Variants in GLI3 observed in about 807,000 individuals in gnomAD.
The protein encoded by GLI3 is GLI family zinc finger 3, also known as transcription activator GLI3.
In GLI3, 20 loss-of-function variants were observed where a neutral mutation model predicts 100.8. The ratio of observed to expected loss-of-function variants is 0.20; its 90% CI spans 0.14 to 0.29. GLI3 has a LOEUF of 0.29. GLI3 is among the 10% of genes least tolerant of loss of function. GLI3 has a pLI of 1.00. For missense variants in GLI3, 2,040 were observed against 2,128.5 expected, an observed-to-expected ratio of 0.96 and a Z score of 0.82; for synonymous variants, 938 against 860.5, an observed-to-expected ratio of 1.09 and a Z score of -1.58.
At chr7:42,077,102 C>T (rs1013559699) in intron 3 of GLI3, among the ~76,000 whole-genome samples, 1 of 152,130 alleles carries the variant, frequency 6.6e-6, no homozygotes, top group African/African-American at 2.4e-5. Flanking sequence ...CAAACCCAGA[C>T]ACGAAAGCAA....
chr7:42,252,170 A>G (rs947957128), intron 1 of GLI3, among the ~76,000 whole-genome samples: 4 of 90,824 alleles, frequency 4.4e-5, no homozygotes, highest in Non-Finnish European at 9.1e-5. Context: ...GCCATAAAAA[A>G]GAATGAGATC....
chr7:42,024,054 A>G (rs907698720), intron 9 of GLI3, among the ~76,000 whole-genome samples: 1 of 152,198 alleles, frequency 6.6e-6, no homozygotes, highest in Non-Finnish European at 1.5e-5. Context: ...TACTTTGTTT[A>G]TTCTTATATT....
chr7:42,212,213 C>T (rs914937937), intron 2 of GLI3, among the ~76,000 whole-genome samples: 2 of 152,104 alleles, frequency 1.3e-5, no homozygotes, highest in Admixed American at 6.5e-5. Flanking sequence ...AATATGCACA[C>T]AGAAATGACT....
intron 2 of GLI3, among the ~76,000 whole-genome samples, chr7:42,156,820 C>T (rs1787014761): frequency 6.6e-6 from 1 of 152,176 alleles, no homozygotes; most frequent in Non-Finnish European, 1.5e-5. Context: ...AGGTCCACAC[C>T]CTCCTCCCAT....
chr7:42,132,385 C>T (rs920574529), intron 3 of GLI3, among the ~76,000 whole-genome samples: 5 of 152,200 alleles, frequency 3.3e-5, no homozygotes, highest in Non-Finnish European at 5.9e-5. Context: ...CAGGCGTGAG[C>T]CACCGCGCCC....
In GLI3 at chr7:42,067,139, T is replaced by C. The variant is rs117773180; in HGVS notation, c.473+9613A>G. On this transcript the variant is annotated intron_variant, in intron 4 of 14. Coordinates refer to ENST00000395925, the MANE Select transcript of GLI3 (RefSeq NM_000168.6). ...ACATAACTCTAATATTAATTTGTTA[T>C]ATCCCTGGCAAATAACATATGAAAA... 8.1e-4 allele frequency among the ~76,000 whole-genome samples: 123 copies of C among 152,366 alleles called. No homozygotes were observed. The East Asian group carries it at 9.5e-3, about 12-fold the overall frequency.
intron 4 of GLI3, among the ~76,000 whole-genome samples, chr7:42,072,312 G>T (rs1784798793): frequency 2.0e-5 from 3 of 152,146 alleles, no homozygotes; most frequent in Middle Eastern, 3.2e-3. Context: ...GAAAACCTTG[G>T]CTCAGAAAGA....
At position 41,977,244 on chromosome 7, in the gene GLI3, G is replaced by A. The variant is rs183049333; in HGVS notation, c.1812+314C>T. ...GCATGGATTCCTGCTATTTTGGGCA[G>A]CGTGACTGGCTCAGATTCCAAGTCA... On this transcript the variant is annotated intron_variant, in intron 12 of 14. Coordinates refer to ENST00000395925, the MANE Select transcript of GLI3 (RefSeq NM_000168.6). Among the ~76,000 whole-genome samples the A allele has an allele frequency of 2.3e-3, 343 of 152,318 alleles. 4 individuals are homozygous for A. The highest frequency in any genetic ancestry group is 1.7e-3 in the Non-Finnish European group (119 of 68,040).
At chr7:42,013,450 T>C (rs1170215915) in intron 10 of GLI3, among the ~76,000 whole-genome samples, 2 of 151,968 alleles carry the variant, frequency 1.3e-5, no homozygotes, top group African/African-American at 4.8e-5. Flanking sequence ...TGGAGTACAG[T>C]GGTGCAATCA....
intron 2 of GLI3, among the ~76,000 whole-genome samples, chr7:42,211,203 T>C (rs900091939): frequency 6.6e-6 from 1 of 152,230 alleles, no homozygotes; most frequent in African/African-American, 2.4e-5. Context: ...TTCTTTTTAA[T>C]TGCGGAAAAG....
intron 2 of GLI3, among the ~76,000 whole-genome samples, chr7:42,170,567 C>T (rs142126158): frequency 0.032 from 4,909 of 151,522 alleles, 230 homozygotes; most frequent in African/African-American, 0.11. Flanking sequence ...CACACCCAGC[C>T]AATTTTTTGT....
At chr7:42,172,204 T>A (rs1010705370) in intron 2 of GLI3, among the ~76,000 whole-genome samples, 3 of 151,726 alleles carry the variant, frequency 2.0e-5, no homozygotes, top group African/African-American at 7.3e-5. Context: ...ATAAGAGAAG[T>A]TTTAAAAAAA....
intron 1 of GLI3, among the ~76,000 whole-genome samples, chr7:42,263,534 C>T (rs560158566): frequency 3.2e-4 from 49 of 152,082 alleles, no homozygotes; most frequent in African/African-American, 1.2e-3. Context: ...GCAACCTCCT[C>T]CTCACATGTT....
At chr7:42,055,535 T>C (rs906942439) in intron 4 of GLI3, among the ~76,000 whole-genome samples, 5 of 152,120 alleles carry the variant, frequency 3.3e-5, no homozygotes, top group Non-Finnish European at 5.9e-5. Context: ...CTGTTCCTGG[T>C]GGGCGAGCCC....
intron 1 of GLI3, among the ~76,000 whole-genome samples, chr7:42,257,634 G>C (rs1789098750): frequency 6.6e-6 from 1 of 151,936 alleles, no homozygotes; most frequent in Non-Finnish European, 1.5e-5. Flanking sequence ...ATGAGCCACC[G>C]TGCACGTCCC....
chr7:42,118,047 A>G (rs1785904187), intron 3 of GLI3: 1 of 315,454 alleles, frequency 3.2e-6, no homozygotes, highest in African/African-American at 2.1e-5. Context: ...CAAACACTTA[A>G]CAGGAAAAGA....
At chr7:42,201,741 A>G (rs1167252802) in intron 2 of GLI3, among the ~76,000 whole-genome samples, 1 of 152,198 alleles carries the variant, frequency 6.6e-6, no homozygotes, top group Non-Finnish European at 1.5e-5. Flanking sequence ...CTGTAACACA[A>G]TGGTATTTGT....
At chr7:42,242,528 A>G (rs532306519), upstream of GLI3, among the ~76,000 whole-genome samples, 1 of 152,166 alleles carries the variant, frequency 6.6e-6, no homozygotes, top group Non-Finnish European at 1.5e-5. Context: ...TTCTCTAGTC[A>G]TGCCCCCGTA....
intron 3 of GLI3, among the ~76,000 whole-genome samples, chr7:42,132,255 T>TGCCCGCCACC (rs1415967702): frequency 0.03 from 4,421 of 149,410 alleles, 207 homozygotes; most frequent in African/African-American, 0.091. Flanking sequence ...CGCCCGCCAC[T>TGCCCGCCACC]ACGCCCGGCT....
Sources: gnomAD v4.1 joint callset for allele counts (sites outside exome capture counted in the v4.1 genomes callset) on GRCh38, gnomAD v4.1.1 for gene constraint, MANE v1.5 for transcripts, NCBI Gene and HGNC (gene_info 2026-07-23, HGNC 2026-07-21) for gene names.